The following EYA3 variants were observed in gnomAD, a reference collection of about 807,000 sequenced individuals.
EYA3 encodes protein phosphatase EYA3.
Under a neutral mutation model 80.0 loss-of-function variants are expected in EYA3, and 39 were observed. The observed-to-expected ratio is 0.49, with a 90% CI of 0.38 to 0.64. EYA3 has a LOEUF of 0.64. Ranked by LOEUF, EYA3 falls within the 30% of genes least tolerant of loss-of-function variation. EYA3 has a pLI of 0.00. For missense variants in EYA3, 523 were observed against 676.1 expected, an observed-to-expected ratio of 0.77 and a Z score of 2.51; for synonymous variants, 206 against 232.8, an observed-to-expected ratio of 0.88 and a Z score of 1.05.
intron 7 of EYA3, among the ~76,000 whole-genome samples, chr1:28,018,447 A>G (rs1642214214): frequency 6.6e-6 from 1 of 152,296 alleles, no homozygotes; most frequent in Admixed American, 6.5e-5. Context: ...AAACACACTT[A>G]GACATGGTTC....
chr1:28,056,740 G>A (rs1019597008), intron 2 of EYA3, among the ~76,000 whole-genome samples: 1 of 152,176 alleles, frequency 6.6e-6, no homozygotes, highest in Non-Finnish European at 1.5e-5. Flanking sequence ...TAGCAGGTCA[G>A]CCTCACAATT....
rs143411776 is a variant in EYA3, at chr1:28,003,972, G to A, written c.993+364C>T. Reference sequence around the variant, plus strand: ...TTGGCTAAATAAAATGCTCAATTTGGGCTGTTAAAAGTGTGTTAAGGAATA... The same window carrying A: ...TTGGCTAAATAAAATGCTCAATTTGAGCTGTTAAAAGTGTGTTAAGGAATA... On this transcript the variant is annotated intron_variant, in intron 11 of 17. Transcript: ENST00000373871. 6.5e-3 allele frequency among the ~76,000 whole-genome samples: 985 copies of A among 151,904 alleles called. 9 individuals are homozygous for A. Among genetic ancestry groups the A allele is most frequent in the African/African-American group, 0.022 (911 of 41,408 alleles).
chr1:28,029,285 C>T (rs1260969378), intron 6 of EYA3, among the ~76,000 whole-genome samples: 1 of 152,138 alleles, frequency 6.6e-6, no homozygotes, highest in Non-Finnish European at 1.5e-5. Flanking sequence ...CTGTGCTGTG[C>T]TACATATATT....
chr1:28,013,267 G>A lies in EYA3; in HGVS notation c.613C>T (p.Gln205Ter). The stretch of plus-strand genomic sequence containing the variant: ...GGGTAGCAGGCCTGGTACTGATTCT[G>A]ACCAAGAATAGTATAGGTGGGATAA... ...QDYPTYTILG[Q>*]NQYQACYPSS... Residue 205 changes from glutamine to a stop codon, truncating the protein, a stop_gained, in exon 9 of 18, where the codon CAG (glutamine) becomes TAG (stop). Transcript: ENST00000373871. LOFTEE classifies it high-confidence loss of function. The surrounding 1 kb of genome is among the most constrained non-coding windows in gnomAD (Gnocchi z 4.0). 1.2e-6 allele frequency: 2 copies of A among 1,613,816 alleles called. No individual in the cohort carries two copies. The highest frequency in any genetic ancestry group is 1.7e-6 in the Non-Finnish European group (2 of 1,179,876).
Position 27,999,985 on chromosome 1 carries a change from G to C in EYA3, c.1058C>G (p.Thr353Ser), listed in dbSNP as rs1362990630. The change falls in exon 12 of 18, where the codon ACT becomes AGT. Residue 353 changes from threonine (T) to serine (S), a missense_variant. Physicochemically the swap from Thr to Ser is moderately conservative, Grantham distance 58. Around this residue, in one of 2 missense-constraint regions of EYA3, gnomAD observed 219 missense variants for 332.8 expected, o/e 0.66. Coordinates refer to ENST00000373871, the MANE Select transcript of EYA3 (RefSeq NM_001990.4). The part of the protein sequence containing the change: ...MEEMIFEVAD[T>S]HLFFNDLEEC... ...CTCTAAGTCATTGAAAAATAGATGA[G>C]TATCAGCCACTTCAAAAATCATTTC... 2.5e-6 allele frequency: 4 copies of C among 1,610,608 alleles called. No individual in the cohort carries two copies. In the South Asian group the frequency reaches 3.3e-5, roughly 13 times the overall value.
At chr1:28,062,319 T>C (rs1435998134) in intron 1 of EYA3, among the ~76,000 whole-genome samples, 1 of 152,196 alleles carries the variant, frequency 6.6e-6, no homozygotes, top group African/African-American at 2.4e-5. Context: ...TACCTGTGAA[T>C]GCTGACAGTG....
At chr1:27,990,368 TGGAGGTCTCACTGCAG>T (rs1639962548) in intron 14 of EYA3, 1 of 153,784 alleles carries the variant, frequency 6.5e-6, no homozygotes, top group Non-Finnish European at 1.5e-5. Context: ...GGTTTGGGCA[TGGAGGTCTCACTGCAG>T]ATGTGGATCA....
rs1321642833 is a variant in EYA3, at chr1:28,035,611, T to A, written c.294A>T (p.Thr98=). The change falls in exon 6 of 18, where the codon ACA becomes ACT. Residue 98 remains threonine, a synonymous_variant. Transcript: ENST00000373871. ...CAGCATAGGGTTGAGTCTGCTGTAGTGTCTGGTATTGAGTCTGTCCAGGGT... is the reference window on the plus strand; with the variant it reads ...CAGCATAGGGTTGAGTCTGCTGTAGAGTCTGGTATTGAGTCTGTCCAGGGT... ...TAYPGQTQYQ[T]LQQTQPYAVY... is the part of the protein sequence containing the mutation. 1 of 1,614,010 alleles carries A rather than the reference T, an allele frequency of 6.2e-7. No individual in the cohort carries two copies. The highest frequency in any genetic ancestry group is 1.1e-5 in the South Asian group (1 of 91,082).
At chr1:27,996,602 T>G (rs562849992) in intron 13 of EYA3, among the ~76,000 whole-genome samples, 24 of 152,312 alleles carry the variant, frequency 1.6e-4, no homozygotes, top group Non-Finnish European at 2.6e-4. Context: ...AGGTCCTTAT[T>G]AAGGTGGTAT....
chr1:28,035,622 G>C lies in EYA3; in HGVS notation c.283C>G (p.Gln95Glu). The stretch of plus-strand genomic sequence containing the variant: ...TGAGTCTGCTGTAGTGTCTGGTATT[G>C]AGTCTGTCCAGGGTAAGCAGTTTCC... ...VSETAYPGQT[Q>E]YQTLQQTQPY... Residue 95 changes from glutamine (Q) to glutamate (E), a missense_variant, in exon 6 of 18, where the codon CAA (glutamine) becomes GAA (glutamate). Around this residue, in one of 2 missense-constraint regions of EYA3, gnomAD observed 304 missense variants for 343.3 expected, o/e 0.89. Coordinates refer to ENST00000373871, the MANE Select transcript of EYA3 (RefSeq NM_001990.4). 1 of 1,614,100 alleles carries C rather than the reference G, an allele frequency of 6.2e-7. No individual in the cohort carries two copies. Among genetic ancestry groups the C allele is most frequent in the Non-Finnish European group, 8.5e-7 (1 of 1,179,968 alleles).
At chr1:28,057,709 A>T (rs1229088903) in intron 2 of EYA3, among the ~76,000 whole-genome samples, 1 of 152,172 alleles carries the variant, frequency 6.6e-6, no homozygotes, top group Non-Finnish European at 1.5e-5. Flanking sequence ...ATATACTGTC[A>T]GATCAGTAAA....
At chr1:28,056,062 T>C (rs796680690) in intron 2 of EYA3, among the ~76,000 whole-genome samples, 57 of 152,256 alleles carry the variant, frequency 3.7e-4, no homozygotes, top group African/African-American at 1.3e-3. Flanking sequence ...ATAAGTATTG[T>C]GTTTTCATAG....
intron 13 of EYA3, 77 bp downstream of exon 13, chr1:27,997,243 G>T: frequency 7.6e-7 from 1 of 1,324,192 alleles, no homozygotes. Context: ...ATTTATCTTT[G>T]TTTTCCTCCA....
intron 4 of EYA3, among the ~76,000 whole-genome samples, chr1:28,039,903 C>T (rs1337177917): frequency 2.0e-5 from 3 of 152,124 alleles, no homozygotes; most frequent in Non-Finnish European, 4.4e-5. Flanking sequence ...CAATCCATTG[C>T]AAAGAATGTA....
At chr1:28,058,847 C>T (rs1464774374) in intron 1 of EYA3, among the ~76,000 whole-genome samples, 1 of 152,136 alleles carries the variant, frequency 6.6e-6, no homozygotes, top group Admixed American at 6.5e-5. Context: ...CTTACCATGT[C>T]CTACTGACAG....
At chr1:28,060,610 A>G (rs991262134) in intron 1 of EYA3, among the ~76,000 whole-genome samples, 2 of 152,242 alleles carry the variant, frequency 1.3e-5, no homozygotes, top group Admixed American at 1.3e-4. Flanking sequence ...TCCTTTCTAC[A>G]TCTATTCTGT....
At chr1:28,024,292 T>A (rs189721554) in intron 7 of EYA3, among the ~76,000 whole-genome samples, 56 of 151,702 alleles carry the variant, frequency 3.7e-4, no homozygotes, top group African/African-American at 7.7e-4. Flanking sequence ...AAAATTTTTT[T>A]AAAAATCTCC....
chr1:28,063,257 TTTTAAG>T (rs777752112), intron 1 of EYA3, among the ~76,000 whole-genome samples: 10 of 151,488 alleles, frequency 6.6e-5, no homozygotes, highest in Non-Finnish European at 1.5e-4. Context: ...CTACATTGTA[TTTTAAG>T]TTTATTTACT....
chr1:28,029,023 T>G (rs6671101), intron 6 of EYA3, among the ~76,000 whole-genome samples: 35,871 of 152,152 alleles, frequency 0.24, 4,345 homozygotes, highest in Non-Finnish European at 0.27. Context: ...AGCCAAGGAC[T>G]GTGTTATACA....
Sources: gnomAD v4.1 joint callset for allele counts (sites outside exome capture counted in the v4.1 genomes callset) on GRCh38, gnomAD v4.1.1 for gene constraint, gnomAD v4.1.1 regional missense constraint, Gnocchi (gnomAD v3.1) non-coding constraint, MANE v1.5 for transcripts, NCBI Gene and HGNC (gene_info 2026-07-23, HGNC 2026-07-21) for gene names.